The following DLGAP2 variants were observed in gnomAD, a reference collection of about 807,000 sequenced individuals.
DLGAP2 encodes the protein disks large-associated protein 2.
Under a neutral mutation model 100.3 loss-of-function variants are expected in DLGAP2, and 26 were observed. The observed-to-expected ratio is 0.26, with a 90% CI of 0.19 to 0.36. The LOEUF is 0.36. DLGAP2 is among the 10% of genes least tolerant of loss of function. DLGAP2 has a pLI of 1.00. For synonymous variants in DLGAP2, 886 were observed against 630.1 expected (o/e 1.41, Z -6.08); for missense variants, 1,858 against 1,453.2 (o/e 1.28, Z -4.53).
At chr8:1,024,923 G>A (rs1801747761) in intron 2 of DLGAP2, among the ~76,000 whole-genome samples, 1 of 152,220 alleles carries the variant, frequency 6.6e-6, no homozygotes, top group Non-Finnish European at 1.5e-5. Flanking sequence ...GCGTGGCAGA[G>A]TCTGGAATGA....
intron 8 of DLGAP2, among the ~76,000 whole-genome samples, chr8:1,652,054 G>T (rs1046790206): frequency 1.3e-5 from 2 of 152,112 alleles, no homozygotes; most frequent in East Asian, 3.9e-4. Context: ...AATTAAGTTG[G>T]TTTTTTTCTG....
At chr8:1,340,682 A>G (rs555738422) in intron 3 of DLGAP2, among the ~76,000 whole-genome samples, 3 of 152,230 alleles carry the variant, frequency 2.0e-5, no homozygotes, top group Admixed American at 2.0e-4. Flanking sequence ...GGTTCCTTGG[A>G]GACCTAAAGA....
chr8:1,628,810 C>A (rs906633120), intron 7 of DLGAP2, among the ~76,000 whole-genome samples: 5 of 152,182 alleles, frequency 3.3e-5, no homozygotes, highest in Admixed American at 2.0e-4. Flanking sequence ...CCTGAGCCGA[C>A]CTCACATTCT....
Position 1,384,137 on chromosome 8 carries a change from A to C in DLGAP2, c.107-117229A>C, listed in dbSNP as rs182179122. Among the ~76,000 whole-genome samples the C allele has an allele frequency of 1.4e-4, 21 of 152,384 alleles. No homozygotes were observed. The East Asian group carries it at 4.0e-3, about 29-fold the overall frequency. On this transcript the variant is annotated intron_variant, in intron 3 of 14. Transcript: ENST00000637795. ...TCAGAATTCATTAGGTTACTAGGCC[A>C]GGTCTGTATTTTTTAAAGTGAAAGT...
chr8:1,611,140 A>G (rs912178921), intron 6 of DLGAP2, among the ~76,000 whole-genome samples: 9 of 141,078 alleles, frequency 6.4e-5, no homozygotes, highest in African/African-American at 2.3e-4. Context: ...AAAATCCTCA[A>G]TAAAATACTG....
chr8:838,135 C>T (rs1205899267), intron 1 of DLGAP2, among the ~76,000 whole-genome samples: 1 of 152,034 alleles, frequency 6.6e-6, no homozygotes, highest in African/African-American at 2.4e-5. Flanking sequence ...ATGCAGACTC[C>T]TGATGATGTC....
intron 4 of DLGAP2, among the ~76,000 whole-genome samples, chr8:1,503,084 G>A (rs1336488665): frequency 6.6e-6 from 1 of 152,182 alleles, no homozygotes; most frequent in Non-Finnish European, 1.5e-5. Context: ...GAGGCTGGGG[G>A]GCGAAGGAGG....
chr8:881,376 T>C (rs935055769), intron 1 of DLGAP2, among the ~76,000 whole-genome samples: 1 of 152,220 alleles, frequency 6.6e-6, no homozygotes, highest in Non-Finnish European at 1.5e-5. Context: ...ATAGAGATTC[T>C]TATTTCTCAG....
intron 2 of DLGAP2, among the ~76,000 whole-genome samples, chr8:1,207,981 C>G (rs1017625230): frequency 6.6e-6 from 1 of 152,012 alleles, no homozygotes; most frequent in Non-Finnish European, 1.5e-5. Flanking sequence ...TTGTCACATG[C>G]ATAGTTTTTG....
At chr8:779,526 C>T (rs1821630270) in intron 1 of DLGAP2, among the ~76,000 whole-genome samples, 1 of 150,048 alleles carries the variant, frequency 6.7e-6, no homozygotes, top group Non-Finnish European at 1.5e-5. Flanking sequence ...TGCAGTGGTG[C>T]CATCATAGTT....
chr8:1,570,155 T>A (rs1802595493), intron 6 of DLGAP2, among the ~76,000 whole-genome samples: 2 of 152,194 alleles, frequency 1.3e-5, no homozygotes, highest in African/African-American at 4.8e-5. Flanking sequence ...CAGAAGCACA[T>A]CATAGGGACC....
chr8:1,214,052 C>G (rs1798162304), intron 2 of DLGAP2, among the ~76,000 whole-genome samples: 1 of 150,178 alleles, frequency 6.7e-6, no homozygotes, highest in Non-Finnish European at 1.5e-5. Context: ...GCCGCCTGTC[C>G]TCACCTCCAT....
intron 2 of DLGAP2, among the ~76,000 whole-genome samples, chr8:1,130,165 C>G (rs757084048): frequency 3.9e-5 from 6 of 151,900 alleles, no homozygotes; most frequent in Non-Finnish European, 7.4e-5. Flanking sequence ...AGAGTGGTGT[C>G]CGATGCAGAG....
intron 2 of DLGAP2, among the ~76,000 whole-genome samples, chr8:1,163,044 G>T (rs1377777286): frequency 1.3e-5 from 2 of 152,110 alleles, no homozygotes; most frequent in Admixed American, 1.3e-4. Context: ...CCGAGGTGAG[G>T]CCCTGGAGTG....
chr8:1,186,459 C>T (rs2116714939), intron 2 of DLGAP2, among the ~76,000 whole-genome samples: 1 of 152,334 alleles, frequency 6.6e-6, no homozygotes, highest in East Asian at 1.9e-4. Context: ...TCAGTTGCTT[C>T]ACGCCCTAAG....
At chr8:1,549,827 C>T in intron 5 of DLGAP2, 144 bp downstream of exon 5, 2 of 994,920 alleles carry the variant, frequency 2.0e-6, no homozygotes, top group Non-Finnish European at 2.9e-6. Context: ...TGTTCTGGGA[C>T]AGCTCCACTG....
At chr8:1,333,945 C>T (rs1365946728) in intron 3 of DLGAP2, among the ~76,000 whole-genome samples, 5 of 152,234 alleles carry the variant, frequency 3.3e-5, no homozygotes, top group East Asian at 1.9e-4. Flanking sequence ...GGCGCATATG[C>T]GGTGGCACAG....
intron 2 of DLGAP2, among the ~76,000 whole-genome samples, chr8:1,070,625 C>T (rs10103695): frequency 0.14 from 21,197 of 152,024 alleles, 1,918 homozygotes; most frequent in Non-Finnish European, 0.21. Flanking sequence ...CATACATACG[C>T]GTATGTGAAA....
In DLGAP2 at chr8:1,490,575, C is replaced by T. The variant is rs377111585; in HGVS notation, c.107-10791C>T. ...ATTCCAGAGAGGTCCACAGAGGTGG[C>T]GCAGCCCTGGGCCACAGTCGGCTCA... is the stretch of plus-strand genomic sequence containing the variant. On this transcript the variant is annotated intron_variant, in intron 3 of 14. Coordinates refer to ENST00000637795, the MANE Select transcript of DLGAP2 (RefSeq NM_001346810.2). Among the ~76,000 whole-genome samples, 14 of 152,302 alleles carry T rather than the reference C, an allele frequency of 9.2e-5. No individual in the cohort carries two copies. The South Asian group carries it at 1.9e-3, about 20-fold the overall frequency.
Sources: gnomAD v4.1 joint callset for allele counts (sites outside exome capture counted in the v4.1 genomes callset) on GRCh38, gnomAD v4.1.1 for gene constraint, MANE v1.5 for transcripts, NCBI Gene and HGNC (gene_info 2026-07-23, HGNC 2026-07-21) for gene names.